VAV3: variants seen among roughly 807,000 people sequenced by gnomAD.
The protein encoded by VAV3 is vav guanine nucleotide exchange factor 3.
In VAV3, 94 loss-of-function variants were observed where a neutral mutation model predicts 131.2. That is an observed-to-expected ratio of 0.72 (90% CI 0.61 to 0.85). The LOEUF is 0.85. Ranked by LOEUF, VAV3 falls within the 40% of genes least tolerant of loss-of-function variation. The probability of loss-of-function intolerance (pLI) is 0.00; values close to 1 mark genes in which losing one functional copy is unlikely to be tolerated. For missense variants in VAV3, 939 were observed against 1,002.7 expected, an observed-to-expected ratio of 0.94 and a Z score of 0.86; for synonymous variants, 349 against 342.0, an observed-to-expected ratio of 1.02 and a Z score of -0.22.
intron 1 of VAV3, among the ~76,000 whole-genome samples, chr1:107,919,290 C>T (rs187629947): frequency 6.6e-6 from 1 of 152,134 alleles, no homozygotes; most frequent in South Asian, 2.1e-4. Flanking sequence ...TCAATTTAAG[C>T]ATGTGATTAC....
chr1:107,672,658 A>G (rs1165262406), intron 19 of VAV3, among the ~76,000 whole-genome samples: 2 of 152,174 alleles, frequency 1.3e-5, no homozygotes, highest in African/African-American at 4.8e-5. Flanking sequence ...ACACACACAC[A>G]TATATTCTTA....
At chr1:107,679,675 C>T (rs1658465257) in intron 19 of VAV3, among the ~76,000 whole-genome samples, 1 of 152,068 alleles carries the variant, frequency 6.6e-6, no homozygotes, top group Admixed American at 6.6e-5. Flanking sequence ...TTTTAAAGCT[C>T]AGTATTAAAA....
intron 19 of VAV3, 118 bp downstream of exon 19, chr1:107,683,370 C>T: frequency 2.5e-6 from 3 of 1,183,824 alleles, no homozygotes; most frequent in Admixed American, 1.8e-5. Context: ...ACACATTATA[C>T]ACCAAATTAT....
intron 19 of VAV3, among the ~76,000 whole-genome samples, chr1:107,659,337 G>T (rs922595885): frequency 6.6e-6 from 1 of 151,804 alleles, no homozygotes; most frequent in Admixed American, 6.6e-5. Flanking sequence ...TAGGAAATGC[G>T]AATGGAGATT....
At chr1:107,813,080 G>A (rs1225865807) in intron 2 of VAV3, among the ~76,000 whole-genome samples, 5 of 149,890 alleles carry the variant, frequency 3.3e-5, no homozygotes, top group South Asian at 2.1e-4. Flanking sequence ...CCGAGATTGC[G>A]TGCACTCTAG....
intron 22 of VAV3, among the ~76,000 whole-genome samples, chr1:107,606,605 T>A (rs1557698420): frequency 6.6e-6 from 1 of 152,056 alleles, no homozygotes; most frequent in Admixed American, 6.5e-5. Flanking sequence ...TCTCATATTA[T>A]CCATCTCTGA....
intron 2 of VAV3, among the ~76,000 whole-genome samples, chr1:107,789,145 T>C (rs1325109528): frequency 1.3e-5 from 2 of 152,180 alleles, no homozygotes; most frequent in Non-Finnish European, 2.9e-5. Flanking sequence ...GAGAGTTCCA[T>C]ATGACCTAAA....
chr1:107,603,893 C>T (rs1652064860), intron 22 of VAV3, among the ~76,000 whole-genome samples: 1 of 151,968 alleles, frequency 6.6e-6, no homozygotes, highest in Admixed American at 6.6e-5. Context: ...CAACCTCCGC[C>T]TCCTGGGTTC....
chr1:107,700,702 G>A (rs1660065457), intron 17 of VAV3, among the ~76,000 whole-genome samples: 1 of 152,186 alleles, frequency 6.6e-6, no homozygotes, highest in Admixed American at 6.5e-5. Flanking sequence ...GTCTATCACT[G>A]ATGGGCATTT....
intron 1 of VAV3, among the ~76,000 whole-genome samples, chr1:107,922,571 T>C (rs552594222): frequency 4.7e-4 from 71 of 152,344 alleles, no homozygotes; most frequent in African/African-American, 1.7e-3. Context: ...ATCAACTTAA[T>C]TTTTAAGAAC....
intron 22 of VAV3, 83 bp from the exon 23 acceptor site, chr1:107,603,246 A>C (rs759435953): frequency 8.3e-5 from 82 of 986,722 alleles, no homozygotes; most frequent in Middle Eastern, 6.3e-4. Context: ...CTCAATATTT[A>C]ATTTAGTGGC....
chr1:107,836,102 G>T (rs1209919956), intron 2 of VAV3, among the ~76,000 whole-genome samples: 8 of 152,194 alleles, frequency 5.3e-5, no homozygotes, highest in Non-Finnish European at 1.5e-5. Flanking sequence ...ACACTCCACT[G>T]ACAGCATTAG....
intron 1 of VAV3, among the ~76,000 whole-genome samples, chr1:107,942,672 T>C (rs1674058973): frequency 6.6e-6 from 1 of 152,166 alleles, no homozygotes; most frequent in African/African-American, 2.4e-5. Flanking sequence ...CAAAACTTAT[T>C]TTTCAAACCA....
Position 107,756,434 on chromosome 1 carries a change from TTAA to T in VAV3, c.1086+824_1086+826del, listed in dbSNP as rs1214350320. On this transcript the variant is annotated intron_variant, in intron 11 of 26. Coordinates refer to ENST00000370056, the MANE Select transcript of VAV3 (RefSeq NM_006113.5). ...AAAATTTGGAACTTGGTTTGACTTT[TTAA>T]TAATAATAATAAATAATTATGTGGT... 5.3e-5 allele frequency among the ~76,000 whole-genome samples: 8 copies of T among 152,230 alleles called. No individual in the cohort carries two copies. The East Asian group carries it at 1.4e-3, about 26-fold the overall frequency.
intron 1 of VAV3, among the ~76,000 whole-genome samples, chr1:107,906,634 C>T (rs186779780): frequency 6.1e-4 from 92 of 152,048 alleles, no homozygotes; most frequent in African/African-American, 2.1e-3. Context: ...CCACTGCACT[C>T]CAGCCTGGGT....
At chr1:107,585,508 C>T (rs924518524) in intron 25 of VAV3, among the ~76,000 whole-genome samples, 15 of 152,244 alleles carry the variant, frequency 9.9e-5, no homozygotes, top group Middle Eastern at 3.4e-3. Flanking sequence ...GTGATCTGGC[C>T]TCACTTACCC....
At chr1:107,670,527 G>A (rs901092594) in intron 19 of VAV3, among the ~76,000 whole-genome samples, 2 of 151,854 alleles carry the variant, frequency 1.3e-5, no homozygotes, top group African/African-American at 4.8e-5. Flanking sequence ...ACTGGCAAGA[G>A]ACATGAAGTA....
At chr1:107,690,605 T>C (rs1036367684) in intron 17 of VAV3, among the ~76,000 whole-genome samples, 1 of 152,188 alleles carries the variant, frequency 6.6e-6, no homozygotes, top group East Asian at 1.9e-4. Flanking sequence ...TCCCTTGTCA[T>C]TGTCTCCTGC....
At chr1:107,640,460 C>G (rs12239371) in intron 20 of VAV3, among the ~76,000 whole-genome samples, 1 of 152,042 alleles carries the variant, frequency 6.6e-6, no homozygotes, top group African/African-American at 2.4e-5. Flanking sequence ...AGGGTTGTTG[C>G]GCAAGGCGGA....
Sources: gnomAD v4.1 joint callset for allele counts (sites outside exome capture counted in the v4.1 genomes callset) on GRCh38, gnomAD v4.1.1 for gene constraint, MANE v1.5 for transcripts, NCBI Gene and HGNC (gene_info 2026-07-23, HGNC 2026-07-21) for gene names.